The following STARD8 variants were observed in gnomAD, a reference collection of about 807,000 sequenced individuals.
STARD8 encodes the protein StAR related lipid transfer domain containing 8, also known as stAR-related lipid transfer protein 8.
In STARD8, 25 loss-of-function variants were observed where a neutral mutation model predicts 69.4. That is an observed-to-expected ratio of 0.36 (90% confidence interval 0.26 to 0.50). STARD8 has a LOEUF of 0.50. STARD8 is among the 20% of genes least tolerant of loss of function. The pLI, the probability that STARD8 is intolerant of heterozygous loss-of-function variation, is 0.96. For synonymous variants in STARD8, 389 were observed against 374.6 expected, an observed-to-expected ratio of 1.04 and a Z score of -0.45; for missense variants, 921 against 932.5, an observed-to-expected ratio of 0.99 and a Z score of 0.16.
Position 68,716,379 on chromosome X carries a change from C to T in STARD8, c.245C>T (p.Thr82Ile), listed in dbSNP as rs771075542. ...CCATTTTGTTACAGGAGGCTGATGA[C>T]CTTGAATAATTGTGCCTCGATGAAA... ...SLGALCRRLMTLNNCASMKLE... is the reference protein window; with the variant it reads ...SLGALCRRLMILNNCASMKLE... The change falls in exon 5 of 15, where the codon ACC (threonine) becomes ATC (isoleucine). Residue 82 changes from threonine to isoleucine, a missense_variant. Thr to Ile is a moderately conservative substitution (Grantham distance 89). Transcript: ENST00000374599. The T allele has an allele frequency of 5.0e-6, 6 of 1,210,804 alleles. No individual in the cohort carries two copies. The East Asian group carries it at 1.5e-4, about 30-fold the overall frequency.
intron 2 of STARD8, among the ~76,000 whole-genome samples, chrX:68,667,907 C>T (rs1042490236): frequency 8.1e-5 from 9 of 111,122 alleles, no homozygotes; most frequent in Admixed American, 1.9e-4. Flanking sequence ...CTGCCCCATT[C>T]TCCTAAGCCA....
At position 68,722,140 on chromosome X, in the gene STARD8, T is replaced by C; in HGVS notation, c.2553T>C (p.Ser851=). Residue 851 remains serine, a synonymous_variant, in exon 11 of 15, where the codon AGT becomes AGC. Transcript: ENST00000374599. Reference sequence around the variant, plus strand: ...CCCAGGGCCTGTCGCACATGATCAGTGACTGCAAGAAACTTTTCCAGGTGA... The same window carrying C: ...CCCAGGGCCTGTCGCACATGATCAGCGACTGCAAGAAACTTTTCCAGGTGA... ...AATQGLSHMI[S]DCKKLFQVPQ... 8.3e-7 allele frequency: 1 copy of C among 1,204,883 alleles called. No homozygotes were observed. The highest frequency in any genetic ancestry group is 1.1e-6 in the Non-Finnish European group (1 of 890,420).
chrX:68,684,464 G>A (rs937244970), intron 2 of STARD8, among the ~76,000 whole-genome samples: 1 of 112,980 alleles, frequency 8.9e-6, no homozygotes, highest in Non-Finnish European at 1.9e-5. Flanking sequence ...TGCCACTGCC[G>A]GGGGCTATGT....
rs1157258901 is a variant in STARD8 at position 68,725,354 on chromosome X, A to G, written c.*932A>G. The G allele has an allele frequency of 9.1e-6, 1 of 110,184 alleles. No homozygotes were observed. The highest frequency in any genetic ancestry group is 3.3e-5 in the African/African-American group (1 of 30,184). 9.1% of individuals were successfully genotyped at this position (110,184 alleles called of 1,213,427 possible). On this transcript the variant is annotated 3_prime_UTR_variant, in exon 15 of 15. Coordinates refer to ENST00000374599, the MANE Select transcript of STARD8 (RefSeq NM_001142503.3). The stretch of plus-strand genomic sequence containing the variant: ...CTGGGCCAGCCAGATGGAAGGGCCT[A>G]TCTTAGCCAGCTGGAGCTTAAGCCA...
chrX:68,682,904 C>G (rs1412845355), intron 2 of STARD8, among the ~76,000 whole-genome samples: 6 of 111,997 alleles, frequency 5.4e-5, no homozygotes, highest in Non-Finnish European at 1.1e-4. Flanking sequence ...GATGGGCAAC[C>G]ATTTCTAAAG....
At chrX:68,708,616 C>T (rs996181560) in intron 2 of STARD8, among the ~76,000 whole-genome samples, 14 of 111,688 alleles carry the variant, frequency 1.3e-4, no homozygotes, top group Non-Finnish European at 1.9e-4. Flanking sequence ...GCCCTCTCCC[C>T]TGACTCTCCC....
intron 2 of STARD8, among the ~76,000 whole-genome samples, chrX:68,669,324 C>T (rs768273634): frequency 8.9e-6 from 1 of 111,989 alleles, no homozygotes; most frequent in South Asian, 3.8e-4. Flanking sequence ...CCTTGGGCCT[C>T]TCGCTTTCCC....
rs746829765 is a variant in STARD8, at chrX:68,718,459, GGAA to G, written c.1550_1552del (p.Glu517del). 1.2e-3 allele frequency: 1,421 copies of G among 1,210,746 alleles called. 4 individuals are homozygous for G. Among genetic ancestry groups the G allele is most frequent in the African/African-American group, 9.1e-3 (522 of 57,537 alleles). ...CCACCTTTGCCTCTAGCCTGTCTGT[GGAA>G]GAAGGACACTCCATTTCTGACACTG... On this transcript the variant is annotated inframe_deletion, in exon 6 of 15. Coordinates refer to ENST00000374599, the MANE Select transcript of STARD8 (RefSeq NM_001142503.3).
intron 2 of STARD8, among the ~76,000 whole-genome samples, chrX:68,695,283 G>GT (rs1487303678): frequency 8.1e-5 from 9 of 111,162 alleles, no homozygotes; most frequent in Non-Finnish European, 1.3e-4. Context: ...GTGTTTTGCT[G>GT]TAAGGGCATA....
chrX:68,662,135 G>A (rs1196084709), intron 1 of STARD8, among the ~76,000 whole-genome samples: 1 of 110,146 alleles, frequency 9.1e-6, no homozygotes, highest in African/African-American at 3.3e-5. Context: ...AGCCTCCTGA[G>A]TAGCTGGGAT....
rs150722287 is a variant in STARD8, at chrX:68,724,009, C to A, written c.3082C>A (p.Gln1028Lys). Residue 1028 changes from glutamine to lysine, a missense_variant, in exon 14 of 15, where the codon CAA becomes AAA. Transcript: ENST00000374599. ...LLVSQSLDPEQPVPESGVRAL... is the reference protein window; with the variant it reads ...LLVSQSLDPEKPVPESGVRAL... The stretch of plus-strand genomic sequence containing the variant: ...TGTCTCCCAGTCCCTGGATCCGGAA[C>A]AACCTGTGCCAGAGTCGGGTGTGCG... The A allele has an allele frequency of 8.2e-7, 1 of 1,212,242 alleles. No individual in the cohort carries two copies. The highest frequency in any genetic ancestry group is 1.1e-6 in the Non-Finnish European group (1 of 895,625).
chrX:68,676,541 A>G (rs1241688289), intron 2 of STARD8, among the ~76,000 whole-genome samples: 1 of 111,865 alleles, frequency 8.9e-6, no homozygotes, highest in African/African-American at 3.3e-5. Context: ...GCTCCCCCCA[A>G]ACCCCGTCTC....
intron 2 of STARD8, among the ~76,000 whole-genome samples, chrX:68,709,403 G>A (rs150413328): frequency 2.0e-3 from 227 of 112,440 alleles, no homozygotes; most frequent in African/African-American, 6.8e-3. Context: ...TTTTCTTTGG[G>A]ACCCTTCAGA....
chrX:68,678,121 C>T (rs976389716), intron 2 of STARD8, among the ~76,000 whole-genome samples: 4 of 110,644 alleles, frequency 3.6e-5, no homozygotes, highest in East Asian at 2.8e-4. Flanking sequence ...ACCAATGCAC[C>T]GCTGAAAGGG....
chrX:68,654,733 GCACA>G (rs755613596), intron 1 of STARD8, among the ~76,000 whole-genome samples: 2 of 108,462 alleles, frequency 1.8e-5, no homozygotes, highest in Non-Finnish European at 3.9e-5. Flanking sequence ...TCACATTCAT[GCACA>G]CACACACACA....
chrX:68,724,999 G>A lies in STARD8; in HGVS notation c.*577G>A, dbSNP rs754438473. ...CGAGCTGTTTCATTTGTGTAAATACGATGCTGAATTTTATGAGGCTGAGTT... is the reference window on the plus strand; with the variant it reads ...CGAGCTGTTTCATTTGTGTAAATACAATGCTGAATTTTATGAGGCTGAGTT... On this transcript the variant is annotated 3_prime_UTR_variant, in exon 15 of 15. Transcript: ENST00000374599. The A allele has an allele frequency of 7.1e-5, 8 of 112,087 alleles. No individual in the cohort carries two copies. The highest frequency in any genetic ancestry group is 5.7e-4 in the East Asian group (2 of 3,531). The allele number at this position is 112,087 out of a possible 1,213,427, so 9.2% of individuals were successfully genotyped here.
intron 2 of STARD8, among the ~76,000 whole-genome samples, chrX:68,667,255 G>A (rs958410974): frequency 1.8e-5 from 2 of 112,124 alleles, no homozygotes; most frequent in African/African-American, 6.5e-5. Context: ...CAAGGCACTG[G>A]GAATCAAAGC....
chrX:68,668,104 TCTTTCTTTCTG>T, intron 2 of STARD8, among the ~76,000 whole-genome samples: 1 of 102,265 alleles, frequency 9.8e-6, no homozygotes, highest in Non-Finnish European at 2.0e-5. Context: ...TTTCTTTCTT[TCTTTCTTTCTG>T]TCTTTCTTTC....
chrX:68,724,041 C>A lies in STARD8; in HGVS notation c.3114C>A (p.Leu1038=). 2 of 1,212,181 alleles carry A rather than the reference C, an allele frequency of 1.6e-6. No homozygotes were observed. The highest frequency in any genetic ancestry group is 2.2e-6 in the Non-Finnish European group (2 of 895,602). The stretch of plus-strand genomic sequence containing the variant: ...TGCCAGAGTCGGGTGTGCGAGCCCT[C>A]ATGCTCACATCCCAGTACCTCATGG... ...QPVPESGVRA[L]MLTSQYLMEP... is the part of the protein sequence containing the mutation. Residue 1038 remains leucine, a synonymous_variant, in exon 14 of 15, where the codon CTC becomes CTA. Coordinates refer to ENST00000374599, the MANE Select transcript of STARD8 (RefSeq NM_001142503.3).
Sources: gnomAD v4.1 joint callset for allele counts (sites outside exome capture counted in the v4.1 genomes callset) on GRCh38, gnomAD v4.1.1 for gene constraint, MANE v1.5 for transcripts, NCBI Gene and HGNC (gene_info 2026-07-23, HGNC 2026-07-21) for gene names.